TMEFF1: variants seen among roughly 807,000 people sequenced by gnomAD.
TMEFF1 encodes the protein transmembrane protein with EGF like and two follistatin like domains 1.
TMEFF1 carries 20 observed loss-of-function variants against 47.5 expected under a neutral mutation model. That is an observed-to-expected ratio of 0.42 (90% CI 0.30 to 0.61). The LOEUF is 0.61. Ranked by LOEUF, TMEFF1 falls within the 20% of genes least tolerant of loss-of-function variation. The pLI is 0.19. For missense variants in TMEFF1, 411 were observed against 471.1 expected (o/e 0.87, Z 1.18); for synonymous variants, 162 against 166.3 (o/e 0.97, Z 0.20).
intron 8 of TMEFF1, among the ~76,000 whole-genome samples, chr9:100,571,695 T>A (rs1839242572): frequency 6.6e-6 from 1 of 152,174 alleles, no homozygotes; most frequent in African/African-American, 2.4e-5. Flanking sequence ...TTACATTTAT[T>A]GTGCACTTTA....
At chr9:100,519,103 T>C (rs1838118131) in intron 5 of TMEFF1, among the ~76,000 whole-genome samples, 1 of 152,176 alleles carries the variant, frequency 6.6e-6, no homozygotes. Context: ...AATCAGAGTA[T>C]TAAGGTAGGA....
At chr9:100,524,887 C>T (rs1340764011) in intron 5 of TMEFF1, among the ~76,000 whole-genome samples, 3 of 152,078 alleles carry the variant, frequency 2.0e-5, no homozygotes, top group Non-Finnish European at 4.4e-5. Flanking sequence ...GCTATCCCTC[C>T]CCCAGACCCC....
chr9:100,542,418 A>G (rs1034574203), intron 5 of TMEFF1, among the ~76,000 whole-genome samples: 10 of 152,092 alleles, frequency 6.6e-5, no homozygotes, highest in African/African-American at 1.9e-4. Flanking sequence ...TTAAAGGATC[A>G]TTTTTCTATT....
chr9:100,539,023 C>T (rs985271725), intron 5 of TMEFF1, among the ~76,000 whole-genome samples: 3 of 152,176 alleles, frequency 2.0e-5, no homozygotes, highest in African/African-American at 7.2e-5. Context: ...TCATGCTTCA[C>T]AGCCTCCTGA....
intron 5 of TMEFF1, among the ~76,000 whole-genome samples, chr9:100,541,375 C>CTTTTTT (rs1220537806): frequency 4.1e-5 from 4 of 97,676 alleles, no homozygotes; most frequent in Non-Finnish European, 6.4e-5. Context: ...TTCTTTCTTT[C>CTTTTTT]TTTTTTTTTT....
intron 5 of TMEFF1, among the ~76,000 whole-genome samples, chr9:100,538,912 C>CT (rs879622093): frequency 1.7e-4 from 25 of 146,088 alleles, no homozygotes; most frequent in South Asian, 1.1e-3. Context: ...AGGAGATATT[C>CT]TTTTTTTTTT....
intron 5 of TMEFF1, among the ~76,000 whole-genome samples, chr9:100,518,864 A>G (rs1433467918): frequency 6.6e-6 from 1 of 152,200 alleles, no homozygotes; most frequent in African/African-American, 2.4e-5. Context: ...ATAGTGATGT[A>G]TCTAAAGGTA....
intron 1 of TMEFF1, among the ~76,000 whole-genome samples, chr9:100,484,131 G>A (rs2118255234): frequency 6.6e-6 from 1 of 150,594 alleles, no homozygotes; most frequent in Middle Eastern, 3.4e-3. Context: ...TAGGTGTTGG[G>A]ATTTGTCTCC....
At position 100,473,797 on chromosome 9, in the gene TMEFF1, C is replaced by T. The variant is rs1049329182; in HGVS notation, c.196+57C>T. 5.7e-6 allele frequency: 8 copies of T among 1,412,196 alleles called. No individual in the cohort carries two copies. Among genetic ancestry groups the T allele is most frequent in the African/African-American group, 4.5e-5 (3 of 67,112 alleles). 87.5% of individuals were successfully genotyped at this position (1,412,196 alleles called of 1,614,324 possible). ...CCCACCCCTCCGTTGCCGCCTCCCTCGTGGTCCCTGCGGTCGGCCGGGCTG... is the reference window on the plus strand; with the variant it reads ...CCCACCCCTCCGTTGCCGCCTCCCTTGTGGTCCCTGCGGTCGGCCGGGCTG... On this transcript the variant is annotated intron_variant, in intron 1 of 9. Transcript: ENST00000374879. This position sits in a 1 kb window ranked among gnomAD's most constrained non-coding sequence, Gnocchi z 5.4.
At chr9:100,498,983 G>A in intron 2 of TMEFF1, 109 bp downstream of exon 2, 2 of 1,160,820 alleles carry the variant, frequency 1.7e-6, no homozygotes, top group Non-Finnish European at 2.4e-6. Flanking sequence ...AAAGAAATTG[G>A]GGTCACAGCC....
intron 8 of TMEFF1, among the ~76,000 whole-genome samples, chr9:100,569,915 C>G (rs1469967707): frequency 6.6e-6 from 1 of 152,116 alleles, no homozygotes; most frequent in Non-Finnish European, 1.5e-5. Flanking sequence ...AATTTAGTAT[C>G]CCCTGACCAA....
chr9:100,500,796 A>G (rs1587823076), intron 2 of TMEFF1, among the ~76,000 whole-genome samples: 2 of 152,148 alleles, frequency 1.3e-5, no homozygotes, highest in East Asian at 3.8e-4. Flanking sequence ...TACATTGTGA[A>G]TCATATGTTT....
At chr9:100,569,898 T>G (rs1839192860) in intron 8 of TMEFF1, among the ~76,000 whole-genome samples, 2 of 152,184 alleles carry the variant, frequency 1.3e-5, no homozygotes, top group Admixed American at 1.3e-4. Context: ...TCCTCCCATC[T>G]AACTGAAATT....
intron 9 of TMEFF1, among the ~76,000 whole-genome samples, chr9:100,575,678 T>C (rs1468392768): frequency 6.6e-6 from 1 of 152,206 alleles, no homozygotes; most frequent in Admixed American, 6.5e-5. Flanking sequence ...GTAAATTTCT[T>C]GCTGGCAGAG....
chr9:100,539,030 CTGAG>C (rs1259178164), intron 5 of TMEFF1, among the ~76,000 whole-genome samples: 1 of 152,162 alleles, frequency 6.6e-6, no homozygotes, highest in Non-Finnish European at 1.5e-5. Flanking sequence ...TCACAGCCTC[CTGAG>C]TAACTGGGAT....
chr9:100,481,744 C>T (rs990062496), intron 1 of TMEFF1, among the ~76,000 whole-genome samples: 1 of 152,020 alleles, frequency 6.6e-6, no homozygotes, highest in Non-Finnish European at 1.5e-5. Context: ...GTTTAGCCTG[C>T]ACAGGTTTTT....
intron 5 of TMEFF1, among the ~76,000 whole-genome samples, chr9:100,525,532 G>A (rs1838239052): frequency 6.6e-6 from 1 of 152,110 alleles, no homozygotes; most frequent in African/African-American, 2.4e-5. Context: ...GTGCACCACC[G>A]AGATGTGCTC....
chr9:100,545,420 C>T (rs942664742), intron 5 of TMEFF1, among the ~76,000 whole-genome samples: 5 of 152,170 alleles, frequency 3.3e-5, no homozygotes, highest in Admixed American at 1.3e-4. Flanking sequence ...TACATTGGTC[C>T]CTTTCAGCCA....
At chr9:100,545,867 A>G (rs4582618) in intron 5 of TMEFF1, among the ~76,000 whole-genome samples, 3 of 152,202 alleles carry the variant, frequency 2.0e-5, no homozygotes, top group Admixed American at 1.3e-4. Context: ...AATGCCACCA[A>G]TCTCTTTGCT....
Sources: gnomAD v4.1 joint callset for allele counts (sites outside exome capture counted in the v4.1 genomes callset) on GRCh38, gnomAD v4.1.1 for gene constraint, Gnocchi (gnomAD v3.1) non-coding constraint, MANE v1.5 for transcripts, NCBI Gene and HGNC (gene_info 2026-07-23, HGNC 2026-07-21) for gene names.